GATM: variants seen among roughly 807,000 people sequenced by gnomAD.
GATM encodes glycine amidinotransferase, mitochondrial.
A neutral mutation model predicts 54.2 loss-of-function variants in GATM; 23 were observed. The ratio of observed to expected loss-of-function variants is 0.42; its 90% CI spans 0.31 to 0.60. GATM has a LOEUF of 0.60. Ranked by LOEUF, GATM falls within the 20% of genes least tolerant of loss-of-function variation. The probability of loss-of-function intolerance (pLI) is 0.14; values close to 1 mark genes in which losing one functional copy is unlikely to be tolerated. For synonymous variants in GATM, 168 were observed against 183.1 expected (o/e 0.92, Z 0.67); for missense variants, 401 against 544.9 (o/e 0.74, Z 2.63).
At chr15:45,388,196 CT>C (rs1889826625) in intron 3 of GATM, among the ~76,000 whole-genome samples, 1 of 152,116 alleles carries the variant, frequency 6.6e-6, no homozygotes, top group South Asian at 2.1e-4. Context: ...ACAAGTCAGC[CT>C]TCTAAACTTG....
intron 6 of GATM, among the ~76,000 whole-genome samples, chr15:45,365,152 C>A (rs1306943608): frequency 6.6e-6 from 1 of 152,130 alleles, no homozygotes; most frequent in East Asian, 1.9e-4. Context: ...AGATACTGTC[C>A]TTAAGAAATT....
chr15:45,362,276 A>G (rs1889377991), intron 8 of GATM, 55 bp from the exon 9 acceptor site: 1 of 1,074,478 alleles, frequency 9.3e-7, no homozygotes, highest in Admixed American at 1.8e-5. Flanking sequence ...CGATTCTCAT[A>G]GAGAAAGTAG....
chr15:45,369,230 G>T (rs1450120129), intron 3 of GATM, 96 bp downstream of exon 3: 1 of 977,024 alleles, frequency 1.0e-6, no homozygotes, highest in Non-Finnish European at 1.6e-6. Context: ...CAAAGCAAAG[G>T]ACTCTCCAAG....
intron 3 of GATM, among the ~76,000 whole-genome samples, chr15:45,386,375 G>GA (rs1384375260): frequency 6.6e-6 from 1 of 152,042 alleles, no homozygotes; most frequent in Non-Finnish European, 1.5e-5. Context: ...TTTATAATCA[G>GA]AAAAAAACCC....
At chr15:45,381,892 T>C (rs1173324946), upstream of GATM, among the ~76,000 whole-genome samples, 1 of 152,232 alleles carries the variant, frequency 6.6e-6, no homozygotes, top group Non-Finnish European at 1.5e-5. Context: ...CAATAAAATA[T>C]ATTTGGAAGG....
exon 1 of GATM, chr15:45,402,176 C>G: frequency 1.9e-6 from 1 of 524,458 alleles, no homozygotes; most frequent in Non-Finnish European, 3.3e-6. Flanking sequence ...ACACCTGTAA[C>G]GAAGACCATC....
At chr15:45,377,742 G>T (rs1889663535) in intron 1 of GATM, 1 of 161,790 alleles carries the variant, frequency 6.2e-6, no homozygotes, top group Non-Finnish European at 1.3e-5. Context: ...TCCAGTACTA[G>T]AAGCATGGGA....
chr15:45,364,581 TTC>T (rs1331557607), intron 7 of GATM: 2 of 553,406 alleles, frequency 3.6e-6, no homozygotes, highest in Non-Finnish European at 6.5e-6. Context: ...TGTTGTTTTA[TTC>T]TGTCTTCTCC....
At chr15:45,378,549 G>C, upstream of GATM, 1 of 955,244 alleles carries the variant, frequency 1.0e-6, no homozygotes, top group Non-Finnish European at 1.4e-6. Context: ...CGGGGTGGGC[G>C]GGCGCGCGGG....
At chr15:45,383,095 A>C (rs920559672), upstream of GATM, among the ~76,000 whole-genome samples, 9 of 152,178 alleles carry the variant, frequency 5.9e-5, no homozygotes, top group African/African-American at 2.2e-4. Context: ...AGTGCCTGAC[A>C]CAGCCAGAGT....
At chr15:45,393,323 C>G (rs1889891628) in intron 3 of GATM, among the ~76,000 whole-genome samples, 1 of 152,186 alleles carries the variant, frequency 6.6e-6, no homozygotes, top group South Asian at 2.1e-4. Context: ...CCAGCCAAGC[C>G]ACTTAGTTTT....
At chr15:45,382,837 C>T (rs1025649945), upstream of GATM, among the ~76,000 whole-genome samples, 3 of 152,100 alleles carry the variant, frequency 2.0e-5, no homozygotes, top group Non-Finnish European at 2.9e-5. Flanking sequence ...TCTAGCTTAT[C>T]CCTCAGAGTG....
At chr15:45,399,072 G>A (rs934302498) in intron 2 of GATM, among the ~76,000 whole-genome samples, 17 of 152,136 alleles carry the variant, frequency 1.1e-4, no homozygotes, top group African/African-American at 4.1e-4. Context: ...TTTGTCACAT[G>A]TACCTTTTCG....
At chr15:45,382,637 A>AC (rs1889755282), upstream of GATM, among the ~76,000 whole-genome samples, 1 of 151,866 alleles carries the variant, frequency 6.6e-6, no homozygotes, top group Admixed American at 6.6e-5. Flanking sequence ...TACTAAAAAT[A>AC]CAAAAATTAG....
At chr15:45,370,330 C>T (rs1407695166) in intron 2 of GATM, among the ~76,000 whole-genome samples, 3 of 149,630 alleles carry the variant, frequency 2.0e-5, no homozygotes, top group Non-Finnish European at 3.0e-5. Context: ...GAGCTGAGAT[C>T]GTGCCACTGC....
At chr15:45,392,635 G>GTAA (rs929309131) in intron 3 of GATM, among the ~76,000 whole-genome samples, 1 of 152,224 alleles carries the variant, frequency 6.6e-6, no homozygotes, top group African/African-American at 2.4e-5. Flanking sequence ...CACCAGGGAT[G>GTAA]TAATGTGGGG....
At chr15:45,375,689 G>C (rs1408129276) in intron 2 of GATM, among the ~76,000 whole-genome samples, 7 of 151,838 alleles carry the variant, frequency 4.6e-5, no homozygotes, top group African/African-American at 1.7e-4. Flanking sequence ...TCAATAACTG[G>C]AATGGGGAAT....
In GATM at chr15:45,364,841, G is replaced by A. The variant is rs1156646457; in HGVS notation, c.998C>T (p.Ala333Val). The A allele has an allele frequency of 1.2e-6, 2 of 1,613,854 alleles. No individual in the cohort carries two copies. Among genetic ancestry groups the A allele is most frequent in the Non-Finnish European group, 1.7e-6 (2 of 1,179,894 alleles). ...PCHQIDLFKK[A>V]GWTIITPPTP... ...TGGAGGAGTAATGATAGTCCATCCT[G>A]CTTTCTTGAAAAGATCAATCTGTAA... Residue 333 changes from alanine (A) to valine (V), a missense_variant, in exon 7 of 9, where the codon GCA becomes GTA. Around this residue, in one of 3 missense-constraint regions of GATM, gnomAD observed 321 missense variants for 457.5 expected, o/e 0.70. Coordinates refer to ENST00000396659, the MANE Select transcript of GATM (RefSeq NM_001482.3).
intron 2 of GATM, among the ~76,000 whole-genome samples, chr15:45,371,296 A>G (rs1160087668): frequency 6.6e-6 from 1 of 152,260 alleles, no homozygotes; most frequent in Non-Finnish European, 1.5e-5. Context: ...AAAGCAATGT[A>G]CATTGATATA....
Sources: gnomAD v4.1 joint callset for allele counts (sites outside exome capture counted in the v4.1 genomes callset) on GRCh38, gnomAD v4.1.1 for gene constraint, gnomAD v4.1.1 regional missense constraint, MANE v1.5 for transcripts, NCBI Gene and HGNC (gene_info 2026-07-23, HGNC 2026-07-21) for gene names.